SUCLG1: variants seen among roughly 807,000 people sequenced by gnomAD.
The protein encoded by SUCLG1 is succinate-CoA ligase GDP/ADP-forming subunit alpha, also known as succinate--CoA ligase [ADP/GDP-forming] subunit alpha, mitochondrial.
A neutral mutation model predicts 37.3 loss-of-function variants in SUCLG1; 26 were observed. The ratio of observed to expected loss-of-function variants is 0.70; its 90% CI spans 0.51 to 0.97. The LOEUF (loss-of-function observed/expected upper bound fraction) is 0.97. SUCLG1 is among the 50% of genes least tolerant of loss of function. The pLI is 0.00. For synonymous variants in SUCLG1, 163 were observed against 155.6 expected, an observed-to-expected ratio of 1.05 and a Z score of -0.36; for missense variants, 433 against 432.9, an observed-to-expected ratio of 1.00 and a Z score of 0.00.
chr2:84,445,966 C>T (rs1198219608), intron 2 of SUCLG1, among the ~76,000 whole-genome samples: 1 of 152,268 alleles, frequency 6.6e-6, no homozygotes, highest in African/African-American at 2.4e-5. Flanking sequence ...TACCTGCCTA[C>T]TTATTACACT....
At chr2:84,441,193 G>C (rs1186567507) in intron 4 of SUCLG1, 54 bp downstream of exon 4, 1 of 1,612,116 alleles carries the variant, frequency 6.2e-7, no homozygotes, top group Non-Finnish European at 8.5e-7. Flanking sequence ...ACTCAAAGCT[G>C]TTTAGCCTTG....
At chr2:84,440,763 T>C (rs1415834662) in intron 5 of SUCLG1, among the ~76,000 whole-genome samples, 1 of 152,198 alleles carries the variant, frequency 6.6e-6, no homozygotes, top group Non-Finnish European at 1.5e-5. Flanking sequence ...TAACTACTGA[T>C]ATATGCAAAC....
intron 2 of SUCLG1, among the ~76,000 whole-genome samples, chr2:84,445,203 A>G (rs1250746059): frequency 1.3e-5 from 2 of 152,248 alleles, no homozygotes; most frequent in Non-Finnish European, 2.9e-5. Flanking sequence ...GTAAGAAATT[A>G]TAAAAGTATT....
At position 84,431,530 on chromosome 2, in the gene SUCLG1, T is replaced by C. The variant is rs373814688; in HGVS notation, c.803A>G (p.Glu268Gly). 2.7e-4 allele frequency: 437 copies of C among 1,613,940 alleles called. No homozygotes were observed. The highest frequency in any genetic ancestry group is 3.6e-4 in the Non-Finnish European group (419 of 1,179,922). Residue 268 changes from glutamate (E) to glycine (G), a missense_variant, in exon 7 of 9, where the codon GAA becomes GGA. Physicochemically the swap from Glu to Gly is moderately conservative, Grantham distance 98. Transcript: ENST00000393868. ...TACTGAATTATGTTGCTTCAAAAATTCTGCAGCATTCTCTTCTGCATTACC... is the reference window on the plus strand; with the variant it reads ...TACTGAATTATGTTGCTTCAAAAATCCTGCAGCATTCTCTTCTGCATTACC... ...IGGNAEENAA[E>G]FLKQHNSGPN... is the part of the protein sequence containing the mutation.
At chr2:84,444,187 CTT>C (rs1210190765) in intron 2 of SUCLG1, among the ~76,000 whole-genome samples, 1 of 152,202 alleles carries the variant, frequency 6.6e-6, no homozygotes, top group Non-Finnish European at 1.5e-5. Flanking sequence ...TTCCTCTTCT[CTT>C]TCTCTCTCCT....
At chr2:84,440,747 T>C (rs1672755688) in intron 5 of SUCLG1, among the ~76,000 whole-genome samples, 1 of 152,180 alleles carries the variant, frequency 6.6e-6, no homozygotes, top group African/African-American at 2.4e-5. Flanking sequence ...TAACAGTTAA[T>C]GAAATTAACT....
Position 84,441,433 on chromosome 2 carries a change from A to G in SUCLG1, c.345T>C (p.Ala115=), listed in dbSNP as rs374594774. The G allele has an allele frequency of 3.1e-4, 501 of 1,614,090 alleles. 1 individual carries two copies. Among genetic ancestry groups the G allele is most frequent in the Non-Finnish European group, 3.9e-4 (456 of 1,180,046 alleles). The change falls in exon 4 of 9, where the codon GCT becomes GCC. Residue 115 remains alanine, a synonymous_variant. Coordinates refer to ENST00000393868, the MANE Select transcript of SUCLG1 (RefSeq NM_003849.4). ...AAGGCGGAGGAACATAAATGACAGA[A>G]GCCGTTGCTCCTGTCTGTTCTTTGG... The part of the protein sequence containing the change: ...KEAKEQTGAT[A]SVIYVPPPFA...
chr2:84,444,883 G>A (rs905995985), intron 2 of SUCLG1, among the ~76,000 whole-genome samples: 4 of 152,172 alleles, frequency 2.6e-5, no homozygotes, highest in African/African-American at 4.8e-5. Context: ...TGTTCCGCCC[G>A]GCTCACCGGT....
At chr2:84,453,901 G>A (rs1015682257) in intron 1 of SUCLG1, among the ~76,000 whole-genome samples, 1 of 152,192 alleles carries the variant, frequency 6.6e-6, no homozygotes. Flanking sequence ...ATCATCGCAG[G>A]AATCAGACAG....
At chr2:84,446,436 T>C (rs1672853479) in intron 2 of SUCLG1, among the ~76,000 whole-genome samples, 2 of 152,172 alleles carry the variant, frequency 1.3e-5, no homozygotes, top group South Asian at 4.1e-4. Flanking sequence ...CAAAATGTGG[T>C]CCCAACTATT....
intron 1 of SUCLG1, among the ~76,000 whole-genome samples, chr2:84,451,732 G>C (rs568670378): frequency 2.6e-4 from 39 of 152,250 alleles, no homozygotes; most frequent in African/African-American, 8.9e-4. Context: ...CAATGCCCCT[G>C]AGAGCCTGCA....
At chr2:84,442,601 T>C (rs544832361) in intron 3 of SUCLG1, among the ~76,000 whole-genome samples, 2 of 152,344 alleles carry the variant, frequency 1.3e-5, no homozygotes, top group African/African-American at 4.8e-5. Flanking sequence ...TAACTTTACT[T>C]ACTTTTTGTA....
At position 84,443,187 on chromosome 2, in the gene SUCLG1, G is replaced by T; in HGVS notation, c.318+97C>A. 1.3e-5 allele frequency: 14 copies of T among 1,066,640 alleles called. No homozygotes were observed. In the South Asian group the frequency reaches 1.6e-4, roughly 12 times the overall value. 66.1% of individuals were successfully genotyped at this position (1,066,640 alleles called of 1,614,324 possible). ...GTTACTGAATTTTCAAATAGCAAGT[G>T]ACTCTACCAAAAAAACATAATTAAG... On this transcript the variant is annotated intron_variant, in intron 3 of 8. Transcript: ENST00000393868.
At chr2:84,430,932 A>G (rs1672604250) in intron 7 of SUCLG1, among the ~76,000 whole-genome samples, 1 of 152,198 alleles carries the variant, frequency 6.6e-6, no homozygotes, top group Non-Finnish European at 1.5e-5. Flanking sequence ...AGCTGAATGA[A>G]ATGATGACAT....
chr2:84,450,879 CCA>C (rs1412399272), intron 1 of SUCLG1, among the ~76,000 whole-genome samples: 1 of 152,142 alleles, frequency 6.6e-6, no homozygotes, highest in Non-Finnish European at 1.5e-5. Context: ...GAAGACAGGC[CCA>C]GATTTAGCCC....
intron 7 of SUCLG1, among the ~76,000 whole-genome samples, chr2:84,430,177 T>A (rs768766932): frequency 6.6e-6 from 1 of 152,132 alleles, no homozygotes; most frequent in Non-Finnish European, 1.5e-5. Flanking sequence ...AAACACAATG[T>A]CAGGAGAGTA....
chr2:84,455,573 C>G (rs572428156), intron 1 of SUCLG1, among the ~76,000 whole-genome samples: 1 of 151,502 alleles, frequency 6.6e-6, no homozygotes, highest in East Asian at 2.0e-4. Context: ...GGGTCTATCA[C>G]GCCTGTAATC....
chr2:84,452,430 T>C (rs1451883252), intron 1 of SUCLG1, among the ~76,000 whole-genome samples: 3 of 152,234 alleles, frequency 2.0e-5, no homozygotes, highest in South Asian at 2.1e-4. Flanking sequence ...TTCACTTACA[T>C]TGATCCATAT....
intron 8 of SUCLG1, among the ~76,000 whole-genome samples, 162 bp from the exon 9 acceptor site, chr2:84,423,934 CA>C (rs750348711): frequency 3.3e-5 from 5 of 152,136 alleles, no homozygotes; most frequent in Admixed American, 1.3e-4. Flanking sequence ...TGTTTGAACA[CA>C]GAATAACAGC....
Sources: allele counts gnomAD v4.1 joint callset (sites outside exome capture counted in the v4.1 genomes callset), GRCh38; gene constraint gnomAD v4.1.1; transcripts MANE v1.5; gene names NCBI Gene and HGNC (gene_info 2026-07-23, HGNC 2026-07-21).